Variants in COL24A1 observed in about 807,000 individuals in gnomAD.
COL24A1 encodes the protein collagen type XXIV alpha 1 chain, also known as collagen alpha-1(XXIV) chain.
Under a neutral mutation model 253.9 loss-of-function variants are expected in COL24A1, and 224 were observed. The ratio of observed to expected loss-of-function variants is 0.88; its 90% CI spans 0.79 to 0.99. COL24A1 has a LOEUF of 0.99. Ranked by LOEUF, COL24A1 falls within the 50% of genes least tolerant of loss-of-function variation. The probability of loss-of-function intolerance (pLI) is 0.00; values close to 1 mark genes in which losing one functional copy is unlikely to be tolerated. For missense variants in COL24A1, 2,131 were observed against 2,068.5 expected (o/e 1.03, Z -0.59); for synonymous variants, 685 against 673.7 (o/e 1.02, Z -0.26).
intron 7 of COL24A1, among the ~76,000 whole-genome samples, chr1:86,075,910 A>G (rs563102813): frequency 1.6e-3 from 244 of 152,322 alleles, no homozygotes; most frequent in African/African-American, 5.1e-3. Context: ...AATAAGAGCT[A>G]TTTATGACAA....
At position 85,730,164 on chromosome 1, in the gene COL24A1, AAGC is replaced by A. The variant is rs1289037167; in HGVS notation, c.*379_*381del. 3.2e-5 allele frequency: 5 copies of A among 156,994 alleles called. No individual in the cohort carries two copies. Among genetic ancestry groups the A allele is most frequent in the Admixed American group, 3.1e-4 (5 of 16,080 alleles). 9.7% of individuals were successfully genotyped at this position (156,994 alleles called of 1,614,324 possible). A position where few individuals can be genotyped will look rare whatever the true frequency, so the allele number is the denominator to read the frequency against. On this transcript the variant is annotated 3_prime_UTR_variant, in exon 60 of 60. Transcript: ENST00000370571. ...ACTGTGGCTTGTAATTTTTAGACAG[AAGC>A]AGTGCACATCTGGAAGCATTAGCCA... is the stretch of plus-strand genomic sequence containing the variant.
At chr1:85,842,555 C>T (rs964292945) in intron 39 of COL24A1, among the ~76,000 whole-genome samples, 162 bp from the exon 40 acceptor site, 4 of 151,958 alleles carry the variant, frequency 2.6e-5, no homozygotes, top group Non-Finnish European at 4.4e-5. Flanking sequence ...CAACTTTTGT[C>T]TATTTTTTTT....
At chr1:85,732,489 A>G (rs1298263584) in intron 59 of COL24A1, among the ~76,000 whole-genome samples, 3 of 150,946 alleles carry the variant, frequency 2.0e-5, no homozygotes, top group African/African-American at 7.3e-5. Context: ...TTGGCCTCCC[A>G]AAGTGCTGGG....
chr1:85,879,946 A>T (rs1197399913), intron 32 of COL24A1, among the ~76,000 whole-genome samples: 1 of 152,224 alleles, frequency 6.6e-6, no homozygotes, highest in African/African-American at 2.4e-5. Context: ...GTTTTACAGT[A>T]AATCTTGAAG....
chr1:86,114,950 T>C (rs187285438), intron 4 of COL24A1, among the ~76,000 whole-genome samples: 1 of 152,186 alleles, frequency 6.6e-6, no homozygotes, highest in Admixed American at 6.5e-5. Context: ...TTTTCCACTA[T>C]GTAATCCAGG....
chr1:85,767,450 G>A (rs1667497956), intron 53 of COL24A1, among the ~76,000 whole-genome samples: 1 of 152,018 alleles, frequency 6.6e-6, no homozygotes, highest in African/African-American at 2.4e-5. Flanking sequence ...AAGGAGAAAA[G>A]GTTTAACGGC....
At chr1:85,795,302 T>C (rs908931536) in intron 47 of COL24A1, among the ~76,000 whole-genome samples, 2 of 152,172 alleles carry the variant, frequency 1.3e-5, no homozygotes, top group African/African-American at 4.8e-5. Context: ...AATTTTGGAA[T>C]GATGATTACT....
chr1:85,731,093 C>T (rs1444889023), intron 59 of COL24A1, among the ~76,000 whole-genome samples: 1 of 152,200 alleles, frequency 6.6e-6, no homozygotes, highest in Non-Finnish European at 1.5e-5. Flanking sequence ...GCTATTTCAA[C>T]CTCTGTATTT....
chr1:85,933,605 A>C (rs1360684176), intron 24 of COL24A1, among the ~76,000 whole-genome samples: 1 of 152,212 alleles, frequency 6.6e-6, no homozygotes, highest in Non-Finnish European at 1.5e-5. Context: ...TGAAAGGCAG[A>C]CTAAGGTGCT....
chr1:86,093,114 T>C (rs1703625877), intron 5 of COL24A1, among the ~76,000 whole-genome samples: 1 of 152,086 alleles, frequency 6.6e-6, no homozygotes, highest in African/African-American at 2.4e-5. Flanking sequence ...AATACTATTT[T>C]CACTGGGAAA....
At chr1:85,764,066 T>C (rs1284524953) in intron 53 of COL24A1, among the ~76,000 whole-genome samples, 1 of 152,178 alleles carries the variant, frequency 6.6e-6, no homozygotes, top group African/African-American at 2.4e-5. Flanking sequence ...ATTTCCCTTA[T>C]GTAAATGCAA....
intron 43 of COL24A1, among the ~76,000 whole-genome samples, chr1:85,825,825 C>T (rs1365182950): frequency 1.0e-5 from 1 of 99,196 alleles, no homozygotes; most frequent in African/African-American, 3.7e-5. Flanking sequence ...TGGATATTAG[C>T]CCTTTGTCAG....
At chr1:86,077,654 A>G (rs551465720) in intron 7 of COL24A1, among the ~76,000 whole-genome samples, 1 of 152,340 alleles carries the variant, frequency 6.6e-6, no homozygotes, top group South Asian at 2.1e-4. Context: ...AATAGTATGC[A>G]GCCATAAAAA....
intron 19 of COL24A1, among the ~76,000 whole-genome samples, chr1:86,013,106 G>T (rs1433986205): frequency 6.6e-6 from 1 of 152,180 alleles, no homozygotes; most frequent in Non-Finnish European, 1.5e-5. Flanking sequence ...AAGGCCCAGG[G>T]AATTGAAGTA....
In COL24A1 at chr1:86,126,013, A is replaced by G; in HGVS notation, c.323T>C (p.Ile108Thr). The part of the protein sequence containing the change: ...LPVNLGQPFT[I>T]LTGLQSHRVN... ...CCGATGTGACTGTAACCCAGTTAAT[A>G]TTGTAAACGGCTGCCCCAAGTTGAC... Residue 108 changes from isoleucine (I) to threonine (T), a missense_variant, in exon 3 of 60, where the codon ATA becomes ACA. Coordinates refer to ENST00000370571, the MANE Select transcript of COL24A1 (RefSeq NM_152890.7). 6.2e-7 allele frequency: 1 copy of G among 1,613,626 alleles called. No homozygotes were observed. The highest frequency in any genetic ancestry group is 1.1e-5 in the South Asian group (1 of 91,078).
chr1:85,883,162 G>T (rs543524814), intron 32 of COL24A1, among the ~76,000 whole-genome samples: 13 of 151,282 alleles, frequency 8.6e-5, no homozygotes, highest in Non-Finnish European at 1.6e-4. Context: ...TTCTTCTTTC[G>T]TCTTCTTCTT....
chr1:86,083,542 A>T (rs1371606465), intron 7 of COL24A1, among the ~76,000 whole-genome samples: 1 of 152,110 alleles, frequency 6.6e-6, no homozygotes, highest in South Asian at 2.1e-4. Context: ...ACTTTCCTGG[A>T]TCTTTTGCCT....
chr1:85,747,004 T>C (rs776164022), intron 55 of COL24A1, among the ~76,000 whole-genome samples: 13 of 152,090 alleles, frequency 8.5e-5, no homozygotes, highest in Admixed American at 5.2e-4. Flanking sequence ...GCATAGTGGT[T>C]CTCAAACTCT....
chr1:85,833,137 G>C (rs1156517696), intron 43 of COL24A1, among the ~76,000 whole-genome samples: 1 of 152,116 alleles, frequency 6.6e-6, no homozygotes, highest in African/African-American at 2.4e-5. Flanking sequence ...TTAGCATGAA[G>C]GGTTGTTGAA....
Sources: gnomAD v4.1 joint callset for allele counts (sites outside exome capture counted in the v4.1 genomes callset) on GRCh38, gnomAD v4.1.1 for gene constraint, MANE v1.5 for transcripts, NCBI Gene and HGNC (gene_info 2026-07-23, HGNC 2026-07-21) for gene names.